The following ZNF559 variants were observed in gnomAD, a reference collection of about 807,000 sequenced individuals.
ZNF559 encodes putative protein product of Nbla00121.
ZNF559 carries 17 observed loss-of-function variants against 14.2 expected under a neutral mutation model. That is an observed-to-expected ratio of 1.20 (90% CI 0.82 to 1.80). The LOEUF (loss-of-function observed/expected upper bound fraction) is 1.80, where lower values mean the gene tolerates loss of function less well. Ranked by LOEUF, ZNF559 falls within the 40% of genes most tolerant of loss-of-function variation. The pLI, the probability that ZNF559 is intolerant of heterozygous loss-of-function variation, is 0.00. For synonymous variants in ZNF559, 244 were observed against 212.4 expected, an observed-to-expected ratio of 1.15 and a Z score of -1.29; for missense variants, 740 against 629.7, an observed-to-expected ratio of 1.18 and a Z score of -1.88.
intron 2 of ZNF559, among the ~76,000 whole-genome samples, chr19:9,327,240 T>G (rs55696432): frequency 4.0e-5 from 4 of 99,510 alleles, no homozygotes; most frequent in African/African-American, 1.1e-4. Context: ...TGTTTTGTTT[T>G]GTTTTTTTTT....
In ZNF559 at chr19:9,339,925, C is replaced by T. The variant is rs372472478; in HGVS notation, c.160+606C>T. On this transcript the variant is annotated intron_variant, in intron 5 of 6. Coordinates refer to ENST00000603380, the MANE Select transcript of ZNF559 (RefSeq NM_032497.3). ...CTGGGACTACAGGCGCCCACCACCA[C>T]GCCTGGCTATTTTTTTTTTTTTTTT... 5.4e-3 allele frequency among the ~76,000 whole-genome samples: 789 copies of T among 147,458 alleles called. 2 individuals carry two copies. Among genetic ancestry groups the T allele is most frequent in the African/African-American group, 8.7e-3 (347 of 39,812 alleles).
chr19:9,342,660 T>G lies in ZNF559; in HGVS notation c.1209T>G (p.His403Gln). 1 of 1,614,124 alleles carries G rather than the reference T, an allele frequency of 6.2e-7. No homozygotes were observed. The highest frequency in any genetic ancestry group is 1.1e-5 in the South Asian group (1 of 91,074). ...SSSFKSHMQT[H>Q]PGVKPYDCQQ... Reference sequence around the variant, plus strand: ...CCTTTAAAAGTCACATGCAGACTCATCCTGGTGTAAAACCCTATGACTGTC... The same window carrying G: ...CCTTTAAAAGTCACATGCAGACTCAGCCTGGTGTAAAACCCTATGACTGTC... Residue 403 changes from histidine (H) to glutamine (Q), a missense_variant, in exon 7 of 7, where the codon CAT becomes CAG. Transcript: ENST00000603380.
At chr19:9,327,240 T>TG (rs1273062672) in intron 2 of ZNF559, among the ~76,000 whole-genome samples, 3 of 99,510 alleles carry the variant, frequency 3.0e-5, no homozygotes, top group Non-Finnish European at 4.6e-5. Flanking sequence ...TGTTTTGTTT[T>TG]GTTTTTTTTT....
Position 9,343,832 on chromosome 19 carries a change from C to T in ZNF559, c.*764C>T. 5.1e-6 allele frequency: 5 copies of T among 980,280 alleles called. No individual in the cohort carries two copies. Among genetic ancestry groups the T allele is most frequent in the African/African-American group, 1.8e-5 (1 of 57,134 alleles). The allele number at this position is 980,280 out of a possible 1,614,324, so 60.7% of individuals were successfully genotyped here. ...GGTTATATATCATTAATAAAAATAT[C>T]TAGCTGGTCTGAAGATCCTGAGTTA... is the stretch of plus-strand genomic sequence containing the variant. On this transcript the variant is annotated 3_prime_UTR_variant, in exon 7 of 7. Coordinates refer to ENST00000603380, the MANE Select transcript of ZNF559 (RefSeq NM_032497.3).
chr19:9,324,893 T>G, intron 2 of ZNF559, 113 bp downstream of exon 2: 1 of 828,602 alleles, frequency 1.2e-6, no homozygotes, highest in Non-Finnish European at 1.9e-6. Context: ...ATGGATCTGA[T>G]ACCATCGAAT....
chr19:9,324,946 A>G (rs1336994067), intron 2 of ZNF559, among the ~76,000 whole-genome samples, 166 bp downstream of exon 2: 3 of 152,312 alleles, frequency 2.0e-5, no homozygotes, highest in South Asian at 4.1e-4. Flanking sequence ...TTTACCACCA[A>G]GGAAAAACAC....
chr19:9,338,527 A>G lies in ZNF559; in HGVS notation c.-23A>G, dbSNP rs1265985694. On this transcript the variant is annotated 5_prime_UTR_variant, in exon 4 of 7. Transcript: ENST00000603380. Reference sequence around the variant, plus strand: ...TCTCAAGATGTTTTCTGTCTTCATGAGTCAAAATTTGAAGAGGAAAGGATG... The same window carrying G: ...TCTCAAGATGTTTTCTGTCTTCATGGGTCAAAATTTGAAGAGGAAAGGATG... The G allele has an allele frequency of 8.7e-6, 14 of 1,613,800 alleles. No homozygotes were observed. Among genetic ancestry groups the G allele is most frequent in the Non-Finnish European group, 1.1e-5 (13 of 1,179,894 alleles).
rs181555476 is a variant in ZNF559 at position 9,332,213 on chromosome 19, T to G, written c.-119-5583T>G. ...TGTCAAATTCCTTTTCTGCATCTCA[T>G]GAGATCATCTGATTTTCTGGCCTGC... On this transcript the variant is annotated intron_variant, in intron 2 of 6. Coordinates refer to ENST00000603380, the MANE Select transcript of ZNF559 (RefSeq NM_032497.3). 5.2e-3 allele frequency among the ~76,000 whole-genome samples: 786 copies of G among 152,300 alleles called. 5 individuals carry two copies. The highest frequency in any genetic ancestry group is 0.02 in the Middle Eastern group (6 of 294).
chr19:9,327,718 T>C (rs2066699687), intron 2 of ZNF559, among the ~76,000 whole-genome samples: 1 of 150,564 alleles, frequency 6.6e-6, no homozygotes, highest in Non-Finnish European at 1.5e-5. Flanking sequence ...TCTATACTTT[T>C]TTTCTTTTTT....
Position 9,343,737 on chromosome 19 carries a change from T to C in ZNF559, c.*669T>C, listed in dbSNP as rs905020928. ...GAAGGTCAAAAAGGCTGTATTAATT[T>C]ACATGCAAAAAGTCACACTAGAGGA... On this transcript the variant is annotated 3_prime_UTR_variant, in exon 7 of 7. Transcript: ENST00000603380. 1.0e-6 allele frequency: 1 copy of C among 986,040 alleles called. No individual in the cohort carries two copies. Among genetic ancestry groups the C allele is most frequent in the African/African-American group, 1.7e-5 (1 of 57,376 alleles). The allele number at this position is 986,040 out of a possible 1,614,324, so 61.1% of individuals were successfully genotyped here.
At chr19:9,325,755 C>T (rs1290163254) in intron 2 of ZNF559, among the ~76,000 whole-genome samples, 1 of 149,612 alleles carries the variant, frequency 6.7e-6, no homozygotes, top group Admixed American at 6.7e-5. Flanking sequence ...CCTTGCATTC[C>T]AGCCTGGGCA....
chr19:9,342,095 A>C lies in ZNF559; in HGVS notation c.644A>C (p.His215Pro). 2 of 1,613,418 alleles carry C rather than the reference A, an allele frequency of 1.2e-6. No homozygotes were observed. The highest frequency in any genetic ancestry group is 1.7e-6 in the Non-Finnish European group (2 of 1,179,802). ...TATGGTGGAGAGAGACCATATACTC[A>C]TAAGGAGTATGTCGAAACCTTTTCT... ...RIYGGERPYT[H>P]KEYVETFSHS... The change falls in exon 7 of 7, where the codon CAT becomes CCT. Residue 215 changes from histidine to proline, a missense_variant. By Grantham distance (77) the His-to-Pro change is moderately conservative. Coordinates refer to ENST00000603380, the MANE Select transcript of ZNF559 (RefSeq NM_032497.3).
intron 3 of ZNF559, 97 bp downstream of exon 3, chr19:9,337,955 G>C: frequency 6.5e-7 from 1 of 1,536,044 alleles, no homozygotes; most frequent in African/African-American, 1.4e-5. Flanking sequence ...TTGGGAACAA[G>C]ATATTCAGGC....
Position 9,344,590 on chromosome 19 carries a change from A to G in ZNF559, c.*1522A>G, listed in dbSNP as rs558988265. 32 of 152,302 alleles carry G rather than the reference A, an allele frequency of 2.1e-4. No homozygotes were observed. The highest frequency in any genetic ancestry group is 1.8e-3 in the Admixed American group (28 of 15,290). 9.4% of individuals were successfully genotyped at this position (152,302 alleles called of 1,614,324 possible). Reference sequence around the variant, plus strand: ...GCCTGGTCAGGGAGGCAGAGGTTGCAGTGAGCCCTGATCGTGCCACTACAC... The same window carrying G: ...GCCTGGTCAGGGAGGCAGAGGTTGCGGTGAGCCCTGATCGTGCCACTACAC... On this transcript the variant is annotated 3_prime_UTR_variant, in exon 7 of 7. Coordinates refer to ENST00000603380, the MANE Select transcript of ZNF559 (RefSeq NM_032497.3).
At chr19:9,331,845 T>C (rs990280928) in intron 2 of ZNF559, among the ~76,000 whole-genome samples, 1 of 152,210 alleles carries the variant, frequency 6.6e-6, no homozygotes, top group African/African-American at 2.4e-5. Context: ...TTTTATGATA[T>C]ATTACTTATT....
chr19:9,341,137 C>T lies in ZNF559; in HGVS notation c.196C>T (p.Pro66Ser), dbSNP rs2067558872. 1 of 1,613,650 alleles carries T rather than the reference C, an allele frequency of 6.2e-7. No homozygotes were observed. Among genetic ancestry groups the T allele is most frequent in the Admixed American group, 1.7e-5 (1 of 59,944 alleles). Residue 66 changes from proline (P) to serine (S), a missense_variant, in exon 6 of 7, where the codon CCT becomes TCT. By Grantham distance (74) the Pro-to-Ser change is moderately conservative (BLOSUM62 -1). Transcript: ENST00000603380. ...ESHINTKWSA[P>S]QQNFLQGKTS... ...TCATATTAATACCAAATGGTCAGCACCTCAGCAGAATTTTTTGCAGGGGAA... is the reference window on the plus strand; with the variant it reads ...TCATATTAATACCAAATGGTCAGCATCTCAGCAGAATTTTTTGCAGGGGAA...
Position 9,341,138 on chromosome 19 carries a change from C to G in ZNF559, c.197C>G (p.Pro66Arg), listed in dbSNP as rs1264186006. Residue 66 changes from proline to arginine, a missense_variant, in exon 6 of 7, where the codon CCT becomes CGT. Physicochemically the swap from Pro to Arg is moderately radical, Grantham distance 103 (BLOSUM62 -2). Transcript: ENST00000603380. Reference protein sequence around the residue: ...ESHINTKWSAPQQNFLQGKTS... With the variant: ...ESHINTKWSARQQNFLQGKTS... ...CATATTAATACCAAATGGTCAGCAC[C>G]TCAGCAGAATTTTTTGCAGGGGAAA... is the stretch of plus-strand genomic sequence containing the variant. 6.2e-7 allele frequency: 1 copy of G among 1,613,816 alleles called. No homozygotes were observed. The highest frequency in any genetic ancestry group is 8.5e-7 in the Non-Finnish European group (1 of 1,179,970).
Position 9,343,008 on chromosome 19 carries a change from A to T in ZNF559, c.1557A>T (p.Lys519Asn). Residue 519 changes from lysine to asparagine, a missense_variant, in exon 7 of 7, where the codon AAA becomes AAT. Transcript: ENST00000603380. ...ATCTAAGAAGTCATAGTGTGGAGAA[A>T]CCATATAAGGAATGTGGGCAAACCT... ...IRHLRSHSVEKPYKECGQTFS... is the reference protein window; with the variant it reads ...IRHLRSHSVENPYKECGQTFS... The T allele has an allele frequency of 1.2e-6, 2 of 1,614,138 alleles. No homozygotes were observed. The highest frequency in any genetic ancestry group is 8.5e-7 in the Non-Finnish European group (1 of 1,180,008).
At chr19:9,325,633 A>G (rs1440410246) in intron 2 of ZNF559, among the ~76,000 whole-genome samples, 1 of 152,034 alleles carries the variant, frequency 6.6e-6, no homozygotes, top group Non-Finnish European at 1.5e-5. Flanking sequence ...TTTACTCAAA[A>G]TACAAAAAAT....
Sources: allele counts gnomAD v4.1 joint callset (sites outside exome capture counted in the v4.1 genomes callset), GRCh38; gene constraint gnomAD v4.1.1; transcripts MANE v1.5; gene names NCBI Gene and HGNC (gene_info 2026-07-23, HGNC 2026-07-21).